FHIT: variants seen among roughly 807,000 people sequenced by gnomAD.
The protein encoded by FHIT is bis(5'-adenosyl)-triphosphatase.
Under a neutral mutation model 17.9 loss-of-function variants are expected in FHIT, and 19 were observed. That is an observed-to-expected ratio of 1.06 (90% CI 0.74 to 1.56). FHIT has a LOEUF of 1.56. FHIT is among the 40% of genes most tolerant of loss of function. The pLI, the probability that FHIT is intolerant of heterozygous loss-of-function variation, is 0.00. For missense variants in FHIT, 248 were observed against 189.2 expected (o/e 1.31, Z -1.82); for synonymous variants, 81 against 69.7 (o/e 1.16, Z -0.81).
intron 8 of FHIT, among the ~76,000 whole-genome samples, chr3:59,827,595 T>C (rs1260625267): frequency 1.3e-5 from 2 of 152,166 alleles, no homozygotes; most frequent in East Asian, 1.9e-4. Flanking sequence ...ATGAATACCA[T>C]AGGTATCCCT....
chr3:60,521,350 C>T (rs1186670387), intron 5 of FHIT, among the ~76,000 whole-genome samples: 1 of 152,136 alleles, frequency 6.6e-6, no homozygotes, highest in Non-Finnish European at 1.5e-5. Flanking sequence ...CAGATTCACG[C>T]CATTCTCCTG....
chr3:59,974,809 G>T (rs1708339742), intron 7 of FHIT, among the ~76,000 whole-genome samples: 1 of 152,072 alleles, frequency 6.6e-6, no homozygotes, highest in Non-Finnish European at 1.5e-5. Flanking sequence ...TGTCGGGGGA[G>T]ATATGGAAAT....
rs565712132 is a variant in FHIT, at chr3:60,379,744, A to G, written c.103+157116T>C. 5.3e-5 allele frequency among the ~76,000 whole-genome samples: 8 copies of G among 152,268 alleles called. 1 individual carries two copies. Among genetic ancestry groups the G allele is most frequent in the South Asian group, 2.1e-4 (1 of 4,824 alleles). On this transcript the variant is annotated intron_variant, in intron 5 of 9. Transcript: ENST00000492590. Reference sequence around the variant, plus strand: ...GTTAAGTTTTAGAGATCCATTTTTGAAAAAAGGAGATACCTAGTTTTCAGA... The same window carrying G: ...GTTAAGTTTTAGAGATCCATTTTTGGAAAAAGGAGATACCTAGTTTTCAGA...
intron 5 of FHIT, among the ~76,000 whole-genome samples, chr3:60,242,025 T>C (rs1302622570): frequency 2.0e-5 from 3 of 152,088 alleles, no homozygotes; most frequent in African/African-American, 4.8e-5. Flanking sequence ...AAAATCACAA[T>C]GCAATCATTA....
chr3:59,974,077 T>C (rs115938514), intron 7 of FHIT, among the ~76,000 whole-genome samples: 2 of 152,068 alleles, frequency 1.3e-5, no homozygotes, highest in African/African-American at 2.4e-5. Context: ...ACAACTGATA[T>C]GGACTGCCTC....
intron 7 of FHIT, among the ~76,000 whole-genome samples, chr3:59,976,266 C>A (rs1003631725): frequency 9.9e-5 from 15 of 152,052 alleles, no homozygotes; most frequent in African/African-American, 3.6e-4. Context: ...TTTCTCTTCC[C>A]TGCCCTGACT....
chr3:60,956,965 G>A (rs370003714), intron 3 of FHIT, among the ~76,000 whole-genome samples: 1 of 152,106 alleles, frequency 6.6e-6, no homozygotes, highest in Non-Finnish European at 1.5e-5. Context: ...TTGGGTAGAA[G>A]AGCAGGTCTC....
chr3:60,093,892 T>C (rs1417515289), intron 5 of FHIT, among the ~76,000 whole-genome samples: 1 of 152,190 alleles, frequency 6.6e-6, no homozygotes, highest in Non-Finnish European at 1.5e-5. Flanking sequence ...TATTGCCTAC[T>C]ACAGGCATCA....
chr3:60,619,104 C>G (rs2039039096), intron 4 of FHIT, among the ~76,000 whole-genome samples: 1 of 152,108 alleles, frequency 6.6e-6, no homozygotes, highest in South Asian at 2.1e-4. Flanking sequence ...AACATAGCAA[C>G]TAAGTAGATG....
At chr3:59,927,182 G>A (rs1467847142) in intron 7 of FHIT, among the ~76,000 whole-genome samples, 1 of 152,090 alleles carries the variant, frequency 6.6e-6, no homozygotes, top group African/African-American at 2.4e-5. Flanking sequence ...TCATGCTCAG[G>A]GAAATAAGCC....
rs191334822 is a variant in FHIT, at chr3:61,033,459, T to C, written c.-111+8588A>G. ...CCTCATCAATAATTTTTTATATTGA[T>C]TACAGGGAAAAAACTAATATTTTTA... On this transcript the variant is annotated intron_variant, in intron 3 of 9. Coordinates refer to ENST00000492590, the MANE Select transcript of FHIT (RefSeq NM_002012.4). Among the ~76,000 whole-genome samples the C allele has an allele frequency of 1.5e-3, 221 of 152,294 alleles. 1 individual carries two copies. The highest frequency in any genetic ancestry group is 2.3e-3 in the Admixed American group (35 of 15,298).
chr3:60,122,143 C>G (rs570893680), intron 5 of FHIT, among the ~76,000 whole-genome samples: 1 of 151,626 alleles, frequency 6.6e-6, no homozygotes, highest in South Asian at 2.1e-4. Context: ...ATAAAAGAGA[C>G]GTTAGAAAGC....
intron 5 of FHIT, among the ~76,000 whole-genome samples, chr3:60,488,970 A>T (rs1309645252): frequency 6.6e-6 from 1 of 152,208 alleles, no homozygotes; most frequent in African/African-American, 2.4e-5. Context: ...TAATTCATAT[A>T]TTCCACACTT....
In FHIT at chr3:59,752,311, T is replaced by A. The variant is rs1246086635; in HGVS notation, c.359A>T (p.His120Leu). The A allele has an allele frequency of 6.2e-7, 1 of 1,611,652 alleles. No individual in the cohort carries two copies. Residue 120 changes from histidine (H) to leucine (L), a missense_variant, in exon 9 of 10, where the codon CAT becomes CTT. His to Leu is a moderately conservative substitution (Grantham distance 99). Transcript: ENST00000492590. ...AGAGGCAGGAAAGTCCTCCTTGTCA[T>A]GTTTCTGGAGCTTTGGAGAAAAAAA... ...NDSIYEELQK[H>L]DKEDFPASWR...
chr3:61,104,525 G>C lies in FHIT; in HGVS notation c.-163-62426C>G, dbSNP rs111346219. Among the ~76,000 whole-genome samples, 1,078 of 152,240 alleles carry C rather than the reference G, an allele frequency of 7.1e-3. 13 individuals carry two copies. Among genetic ancestry groups the C allele is most frequent in the African/African-American group, 0.025 (1,018 of 41,540 alleles). ...TTTTTTCTGTCATTTCAACCATGGA[G>C]AATCTGACGATTATGTGTTTTGGGG... On this transcript the variant is annotated intron_variant, in intron 2 of 9. Transcript: ENST00000492590.
intron 8 of FHIT, among the ~76,000 whole-genome samples, chr3:59,833,080 A>G (rs1701220326): frequency 1.3e-5 from 2 of 152,194 alleles, no homozygotes; most frequent in South Asian, 2.1e-4. Flanking sequence ...GCACAAGCAT[A>G]TATGACATAT....
rs1390101610 is a variant in FHIT, at chr3:60,119,429, A to T, written c.104-105277T>A. The stretch of plus-strand genomic sequence containing the variant: ...ATGTTTTTAACATAAATAAATGAAG[A>T]TGCATCTTGTAATTGATATGTTTAA... On this transcript the variant is annotated intron_variant, in intron 5 of 9. Coordinates refer to ENST00000492590, the MANE Select transcript of FHIT (RefSeq NM_002012.4). Among the ~76,000 whole-genome samples, 12 of 152,268 alleles carry T rather than the reference A, an allele frequency of 7.9e-5. No individual in the cohort carries two copies. The South Asian group carries it at 2.3e-3, about 29-fold the overall frequency.
At chr3:60,804,581 T>A (rs1273094718) in intron 4 of FHIT, among the ~76,000 whole-genome samples, 1 of 152,238 alleles carries the variant, frequency 6.6e-6, no homozygotes, top group Non-Finnish European at 1.5e-5. Context: ...TGTAATAATG[T>A]ACATAGGACA....
intron 5 of FHIT, among the ~76,000 whole-genome samples, chr3:60,206,763 G>C (rs909959754): frequency 1.3e-5 from 2 of 148,852 alleles, no homozygotes; most frequent in Admixed American, 1.4e-4. Flanking sequence ...AGAGTACATT[G>C]CTGAATGTGT....
Sources: allele counts gnomAD v4.1 joint callset (sites outside exome capture counted in the v4.1 genomes callset), GRCh38; gene constraint gnomAD v4.1.1; transcripts MANE v1.5; gene names NCBI Gene and HGNC (gene_info 2026-07-23, HGNC 2026-07-21).